The following PRKCA variants were observed in gnomAD, a reference collection of about 807,000 sequenced individuals.
PRKCA encodes protein kinase C alpha, also known as protein kinase C alpha type.
A neutral mutation model predicts 87.0 loss-of-function variants in PRKCA; 27 were observed. That is an observed-to-expected ratio of 0.31 (90% CI 0.23 to 0.43). The LOEUF is 0.43. PRKCA is among the 20% of genes least tolerant of loss of function. PRKCA has a pLI of 1.00. For missense variants in PRKCA, 518 were observed against 852.3 expected (o/e 0.61, Z 4.88); for synonymous variants, 329 against 311.1 (o/e 1.06, Z -0.61).
intron 2 of PRKCA, among the ~76,000 whole-genome samples, chr17:66,326,696 G>A (rs1305491151): frequency 6.6e-6 from 1 of 152,152 alleles, no homozygotes; most frequent in Non-Finnish European, 1.5e-5. Context: ...CCAGAGTGGG[G>A]TGTAGTCTGG....
intron 2 of PRKCA, among the ~76,000 whole-genome samples, chr17:66,314,017 C>T (rs895223022): frequency 6.6e-6 from 1 of 152,072 alleles, no homozygotes; most frequent in African/African-American, 2.4e-5. Flanking sequence ...GCTTTCATTC[C>T]AAAAGCACCC....
intron 2 of PRKCA, among the ~76,000 whole-genome samples, chr17:66,351,487 T>C (rs750994380): frequency 5.3e-5 from 8 of 152,164 alleles, no homozygotes; most frequent in Non-Finnish European, 1.2e-4. Context: ...GCTCATCCCG[T>C]AGGCCAGGGA....
intron 2 of PRKCA, among the ~76,000 whole-genome samples, chr17:66,390,137 G>T (rs892887843): frequency 1.3e-5 from 2 of 152,116 alleles, no homozygotes; most frequent in Non-Finnish European, 2.9e-5. Context: ...CAGGAGAATC[G>T]CTTGAACCCA....
At chr17:66,533,864 C>T (rs1967660082) in intron 3 of PRKCA, among the ~76,000 whole-genome samples, 1 of 152,202 alleles carries the variant, frequency 6.6e-6, no homozygotes, top group South Asian at 2.1e-4. Flanking sequence ...AAGCCGGCTT[C>T]TCAGGCATTT....
intron 3 of PRKCA, among the ~76,000 whole-genome samples, chr17:66,620,229 T>C (rs1457804709): frequency 6.6e-6 from 1 of 152,224 alleles, no homozygotes; most frequent in Non-Finnish European, 1.5e-5. Context: ...TGTTTAGCCC[T>C]TCATTGAACA....
chr17:66,311,344 A>G (rs183502897), intron 2 of PRKCA, among the ~76,000 whole-genome samples: 43 of 152,312 alleles, frequency 2.8e-4, no homozygotes, highest in African/African-American at 1.0e-3. Context: ...GGTTGGGTGC[A>G]GTGGCTCATG....
At chr17:66,673,739 G>A (rs1296027660) in intron 5 of PRKCA, among the ~76,000 whole-genome samples, 1 of 152,178 alleles carries the variant, frequency 6.6e-6, no homozygotes, top group Non-Finnish European at 1.5e-5. Flanking sequence ...ATTGTTCATC[G>A]TGGTTGATGA....
intron 2 of PRKCA, among the ~76,000 whole-genome samples, chr17:66,462,925 AACACACACACAC>A (rs58085398): frequency 0.058 from 8,514 of 147,610 alleles, 679 homozygotes; most frequent in African/African-American, 0.18. Context: ...CACACATGCA[AACACACACACAC>A]ACACACACAC....
intron 2 of PRKCA, chr17:66,416,899 CA>C: frequency 1.9e-5 from 3 of 154,034 alleles, no homozygotes; most frequent in Non-Finnish European, 4.3e-5. Context: ...GCCTTTGTCT[CA>C]AAAAAAGTTG....
intron 13 of PRKCA, among the ~76,000 whole-genome samples, chr17:66,743,353 G>A (rs1337573938): frequency 6.6e-6 from 1 of 152,212 alleles, no homozygotes; most frequent in African/African-American, 2.4e-5. Flanking sequence ...GTTGAGTGGA[G>A]GGAATTACTT....
At chr17:66,687,067 G>A (rs1972649223) in intron 5 of PRKCA, 44 bp from the exon 6 acceptor site, 1 of 1,532,386 alleles carries the variant, frequency 6.5e-7, no homozygotes, top group East Asian at 2.2e-5. Context: ...GGCAATATAG[G>A]TCTGTTCTCT....
intron 2 of PRKCA, among the ~76,000 whole-genome samples, chr17:66,367,044 C>T (rs1267403019): frequency 2.0e-5 from 3 of 152,170 alleles, no homozygotes; most frequent in African/African-American, 7.2e-5. Flanking sequence ...TTTCTGTTTT[C>T]AGATAATTGG....
At chr17:66,644,082 A>G (rs1013448933) in intron 4 of PRKCA, among the ~76,000 whole-genome samples, 3 of 152,350 alleles carry the variant, frequency 2.0e-5, no homozygotes, top group African/African-American at 7.2e-5. Flanking sequence ...TGGTTAACAC[A>G]AGCAATATAC....
intron 3 of PRKCA, among the ~76,000 whole-genome samples, chr17:66,533,085 G>A (rs957200011): frequency 3.3e-5 from 5 of 152,118 alleles, no homozygotes; most frequent in Admixed American, 1.3e-4. Context: ...GACTTCAAAC[G>A]GTAGAGCTCT....
At chr17:66,542,825 G>C (rs1248380367) in intron 3 of PRKCA, among the ~76,000 whole-genome samples, 2 of 152,230 alleles carry the variant, frequency 1.3e-5, no homozygotes, top group East Asian at 3.9e-4. Flanking sequence ...AATTATATTT[G>C]ACAAGTCATT....
intron 2 of PRKCA, among the ~76,000 whole-genome samples, chr17:66,308,299 C>T (rs746758919): frequency 5.3e-5 from 8 of 152,144 alleles, no homozygotes; most frequent in Middle Eastern, 3.4e-3. Flanking sequence ...GTGAAGATAT[C>T]GGGTAATATA....
intron 15 of PRKCA, 149 bp from the exon 16 acceptor site, chr17:66,788,690 C>T: frequency 1.1e-6 from 1 of 891,144 alleles, no homozygotes; most frequent in Non-Finnish European, 1.7e-6. Flanking sequence ...TCACTTCGTA[C>T]AAGCCACTGA....
At chr17:66,514,894 T>C (rs1039813286) in intron 3 of PRKCA, among the ~76,000 whole-genome samples, 1 of 152,148 alleles carries the variant, frequency 6.6e-6, no homozygotes, top group Non-Finnish European at 1.5e-5. Flanking sequence ...TTTATCTGGA[T>C]GGTTTTGTTT....
At chr17:66,560,193 GT>G (rs1250013077) in intron 3 of PRKCA, among the ~76,000 whole-genome samples, 1 of 152,086 alleles carries the variant, frequency 6.6e-6, no homozygotes, top group Non-Finnish European at 1.5e-5. Context: ...GAGGAGGGCA[GT>G]TGTATTTCAC....
Sources: gnomAD v4.1 joint callset for allele counts (sites outside exome capture counted in the v4.1 genomes callset) on GRCh38, gnomAD v4.1.1 for gene constraint, MANE v1.5 for transcripts, NCBI Gene and HGNC (gene_info 2026-07-23, HGNC 2026-07-21) for gene names.